SIPA1L3: variants seen among roughly 807,000 people sequenced by gnomAD.
SIPA1L3 encodes signal induced proliferation associated 1 like 3, also known as signal-induced proliferation-associated 1-like protein 3.
SIPA1L3 carries 59 observed loss-of-function variants against 150.1 expected under a neutral mutation model. The ratio of observed to expected loss-of-function variants is 0.39; its 90% CI spans 0.32 to 0.49. SIPA1L3 has a LOEUF of 0.49. Ranked by LOEUF, SIPA1L3 falls within the 20% of genes least tolerant of loss-of-function variation. SIPA1L3 has a pLI of 0.86. For synonymous variants in SIPA1L3, 1,070 were observed against 1,077.6 expected, an observed-to-expected ratio of 0.99 and a Z score of 0.14; for missense variants, 2,211 against 2,489.5, an observed-to-expected ratio of 0.89 and a Z score of 2.38.
chr19:38,171,818 C>G (rs1972334740), intron 15 of SIPA1L3, among the ~76,000 whole-genome samples: 1 of 152,118 alleles, frequency 6.6e-6, no homozygotes, highest in Non-Finnish European at 1.5e-5. Context: ...GATTGCACCA[C>G]TGCACTCCAT....
intron 2 of SIPA1L3, among the ~76,000 whole-genome samples, chr19:38,042,318 T>C (rs1489824839): frequency 6.6e-6 from 1 of 152,236 alleles, no homozygotes; most frequent in Admixed American, 6.5e-5. Flanking sequence ...TATTCTGTTT[T>C]TATGTCAGCA....
intron 1 of SIPA1L3, among the ~76,000 whole-genome samples, chr19:37,943,612 C>G (rs973480457): frequency 5.3e-5 from 8 of 152,186 alleles, no homozygotes; most frequent in Non-Finnish European, 1.0e-4. Context: ...CATCTAGGCC[C>G]TGGACTTTGA....
intron 1 of SIPA1L3, among the ~76,000 whole-genome samples, chr19:38,014,861 G>T (rs1006151428): frequency 6.6e-6 from 1 of 151,970 alleles, no homozygotes; most frequent in Non-Finnish European, 1.5e-5. Context: ...AGTAGAGACG[G>T]GGTTTCACTG....
chr19:37,908,926 G>A (rs1568460144), intron 1 of SIPA1L3, among the ~76,000 whole-genome samples: 1 of 152,196 alleles, frequency 6.6e-6, no homozygotes, highest in Non-Finnish European at 1.5e-5. Flanking sequence ...AGCTCCAGAT[G>A]TGGAGCCTGT....
At chr19:37,917,334 A>G (rs543734504) in intron 1 of SIPA1L3, among the ~76,000 whole-genome samples, 1 of 152,186 alleles carries the variant, frequency 6.6e-6, no homozygotes, top group East Asian at 1.9e-4. Context: ...CTGACATGCC[A>G]CTCCTGTTTT....
Position 38,182,749 on chromosome 19 carries a change from C to CTTTTTAA in SIPA1L3, c.4430+10_4430+11insTTTTAAT. The CTTTTTAA allele has an allele frequency of 6.3e-7, 1 of 1,598,764 alleles. No individual in the cohort carries two copies. Among genetic ancestry groups the CTTTTTAA allele is most frequent in the South Asian group, 1.1e-5 (1 of 89,448 alleles). ...TTCAGTGACCCAAAGAAGTAAGTGC[C>CTTTTTAA]TGGACGTCCAGCGAGGCGCCCGCCA... On this transcript the variant is annotated intron_variant, in intron 16 of 21. Coordinates refer to ENST00000222345, the MANE Select transcript of SIPA1L3 (RefSeq NM_015073.3).
chr19:38,111,976 CAT>C (rs1230827052), intron 8 of SIPA1L3, among the ~76,000 whole-genome samples: 5 of 130,730 alleles, frequency 3.8e-5, no homozygotes, highest in Non-Finnish European at 6.3e-5. Context: ...CATGCACACA[CAT>C]GCACACAGGC....
intron 1 of SIPA1L3, among the ~76,000 whole-genome samples, chr19:38,009,373 T>G (rs1968046129): frequency 6.6e-6 from 1 of 152,134 alleles, no homozygotes; most frequent in Non-Finnish European, 1.5e-5. Context: ...AAATTTCCAG[T>G]GTGGAGGCAC....
At chr19:38,143,100 A>G (rs900942693) in intron 12 of SIPA1L3, among the ~76,000 whole-genome samples, 1 of 152,084 alleles carries the variant, frequency 6.6e-6, no homozygotes, top group Admixed American at 6.6e-5. Flanking sequence ...TCCATCTGCA[A>G]CCTGGCAGCC....
At chr19:38,112,306 G>A (rs115909356) in intron 8 of SIPA1L3, among the ~76,000 whole-genome samples, 61 of 151,694 alleles carry the variant, frequency 4.0e-4, no homozygotes, top group East Asian at 2.1e-3. Flanking sequence ...ACATGCACAC[G>A]CACACATACA....
At chr19:38,016,025 A>G (rs1182499503) in intron 1 of SIPA1L3, among the ~76,000 whole-genome samples, 1 of 152,226 alleles carries the variant, frequency 6.6e-6, no homozygotes, top group East Asian at 1.9e-4. Flanking sequence ...TGACAGGCAC[A>G]CACGTGGCTC....
At chr19:37,935,633 C>T (rs1755770461) in intron 1 of SIPA1L3, among the ~76,000 whole-genome samples, 1 of 152,150 alleles carries the variant, frequency 6.6e-6, no homozygotes, top group African/African-American at 2.4e-5. Context: ...GAACATTCAA[C>T]ATGGCTTTAC....
rs1428231549 is a variant in SIPA1L3 at position 38,193,569 on chromosome 19, G to A, written c.4629G>A (p.Leu1543=). The A allele has an allele frequency of 1.3e-6, 2 of 1,530,770 alleles. No individual in the cohort carries two copies. The highest frequency in any genetic ancestry group is 1.7e-4 in the Middle Eastern group (1 of 5,722). The allele number at this position is 1,530,770 out of a possible 1,614,324, so 94.8% of individuals were successfully genotyped here. Residue 1543 remains leucine, a synonymous_variant, in exon 18 of 22, where the codon CTG becomes CTA. Transcript: ENST00000222345. ...CGCAGAAGGGCCTGCAGCGGACGCT[G>A]TCGGACGAGAGCCTGTGCAGCGGGC... is the stretch of plus-strand genomic sequence containing the variant. The part of the protein sequence containing the change: ...QSPQKGLQRT[L]SDESLCSGRR...
At chr19:38,021,452 C>T (rs1406882086) in intron 1 of SIPA1L3, among the ~76,000 whole-genome samples, 4 of 152,002 alleles carry the variant, frequency 2.6e-5, no homozygotes, top group African/African-American at 9.7e-5. Context: ...GGGACTCTCT[C>T]AAATCCAGCT....
At chr19:38,143,017 A>C (rs1229391292) in intron 12 of SIPA1L3, among the ~76,000 whole-genome samples, 1 of 152,074 alleles carries the variant, frequency 6.6e-6, no homozygotes, top group African/African-American at 2.4e-5. Flanking sequence ...CTCCAGCCCT[A>C]AGCCCCTAGG....
In SIPA1L3 at chr19:38,164,973, T is replaced by C. The variant is rs1972179397; in HGVS notation, c.4208+67T>C. 1 of 1,400,832 alleles carries C rather than the reference T, an allele frequency of 7.1e-7. No individual in the cohort carries two copies. 86.8% of individuals were successfully genotyped at this position (1,400,832 alleles called of 1,614,324 possible). ...TTCGCCAGTTCTACTTTTACGGTCC[T>C]GATGGTGGGGTTCTCCTCCCCAGAA... is the stretch of plus-strand genomic sequence containing the variant. On this transcript the variant is annotated intron_variant, in intron 15 of 21. Coordinates refer to ENST00000222345, the MANE Select transcript of SIPA1L3 (RefSeq NM_015073.3). This position sits in a 1 kb window ranked among gnomAD's most constrained non-coding sequence, Gnocchi z 4.1.
At chr19:38,120,585 A>AT (rs1246984346) in intron 9 of SIPA1L3, among the ~76,000 whole-genome samples, 2 of 152,258 alleles carry the variant, frequency 1.3e-5, no homozygotes, top group African/African-American at 4.8e-5. Context: ...GAAAAAATAC[A>AT]AGAAAGCACA....
chr19:38,071,355 C>T lies in SIPA1L3; in HGVS notation c.-310-9901C>T, dbSNP rs141765490. Among the ~76,000 whole-genome samples, 506 of 152,168 alleles carry T rather than the reference C, an allele frequency of 3.3e-3. 11 individuals are homozygous for T. Among genetic ancestry groups the T allele is most frequent in the Non-Finnish European group, 1.3e-3 (89 of 68,002 alleles). On this transcript the variant is annotated intron_variant, in intron 2 of 21. Transcript: ENST00000222345. ...AGGCGGGAGTACAGTGGCGTGATCTCGGCTCACTGCCACCTCCCTCTCCCA... is the reference window on the plus strand; with the variant it reads ...AGGCGGGAGTACAGTGGCGTGATCTTGGCTCACTGCCACCTCCCTCTCCCA...
intron 1 of SIPA1L3, among the ~76,000 whole-genome samples, chr19:37,948,724 C>G (rs1203711885): frequency 3.3e-5 from 5 of 152,034 alleles, no homozygotes; most frequent in African/African-American, 9.7e-5. Context: ...GCAGGTGGAT[C>G]CTAGATACAA....
Sources: allele counts gnomAD v4.1 joint callset (sites outside exome capture counted in the v4.1 genomes callset), GRCh38; gene constraint gnomAD v4.1.1; non-coding constraint Gnocchi (gnomAD v3.1); transcripts MANE v1.5; gene names NCBI Gene and HGNC (gene_info 2026-07-23, HGNC 2026-07-21).